Variants in ANTXRL observed in about 807,000 individuals in gnomAD.
ANTXRL encodes the protein ANTXR like.
In ANTXRL, 63 loss-of-function variants were observed where a neutral mutation model predicts 75.4. The observed-to-expected ratio is 0.84, with a 90% CI of 0.68 to 1.03. ANTXRL has a LOEUF of 1.03. Among genes scored for constraint, ANTXRL ranks in the 50% least tolerant of loss-of-function variants. ANTXRL has a pLI of 0.00. For missense variants in ANTXRL, 797 were observed against 789.4 expected, an observed-to-expected ratio of 1.01 and a Z score of -0.12; for synonymous variants, 335 against 291.3, an observed-to-expected ratio of 1.15 and a Z score of -1.53.
chr10:46,328,899 A>C (rs1425944129), intron 16 of ANTXRL, among the ~76,000 whole-genome samples: 1 of 152,062 alleles, frequency 6.6e-6, no homozygotes, highest in Non-Finnish European at 1.5e-5. Flanking sequence ...CTTTGACCTT[A>C]CTTATAGTGA....
chr10:46,303,442 T>C (rs1837879663), intron 10 of ANTXRL, among the ~76,000 whole-genome samples: 1 of 152,216 alleles, frequency 6.6e-6, no homozygotes, highest in Non-Finnish European at 1.5e-5. Context: ...ACAGATATTT[T>C]AGTTTTCAGA....
chr10:46,291,828 T>C (rs1554956551), intron 1 of ANTXRL, among the ~76,000 whole-genome samples: 1 of 152,066 alleles, frequency 6.6e-6, no homozygotes, highest in Non-Finnish European at 1.5e-5. Flanking sequence ...CCCAGGAAGC[T>C]CCTCAGTCCC....
intron 13 of ANTXRL, among the ~76,000 whole-genome samples, chr10:46,309,763 A>T (rs1331086029): frequency 6.6e-6 from 1 of 152,138 alleles, no homozygotes; most frequent in Non-Finnish European, 1.5e-5. Context: ...GCAGGGACAG[A>T]AATGGTGGCT....
Position 46,293,917 on chromosome 10 carries a change from G to T in ANTXRL, c.392+17G>T. ...CTCAGACAAGTGAGTGCTGCTTTGA[G>T]CCCCAAAGGGAGGCCTGATGAGCTT... On this transcript the variant is annotated intron_variant, in intron 3 of 16. Transcript: ENST00000620264. 1 of 1,535,050 alleles carries T rather than the reference G, an allele frequency of 6.5e-7. No individual in the cohort carries two copies. Among genetic ancestry groups the T allele is most frequent in the South Asian group, 1.2e-5 (1 of 84,020 alleles).
intron 16 of ANTXRL, among the ~76,000 whole-genome samples, chr10:46,321,691 C>T (rs1838983105): frequency 6.6e-6 from 1 of 152,162 alleles, no homozygotes; most frequent in Non-Finnish European, 1.5e-5. Context: ...TACACTTTGA[C>T]ATAATGCATT....
intron 10 of ANTXRL, among the ~76,000 whole-genome samples, chr10:46,303,114 C>T (rs1194888721): frequency 1.3e-5 from 2 of 152,200 alleles, no homozygotes; most frequent in African/African-American, 4.8e-5. Flanking sequence ...CATCTGCCCA[C>T]CTTAGCCTCA....
Position 46,297,318 on chromosome 10 carries a change from C to G in ANTXRL, c.575C>G (p.Thr192Ser). The G allele has an allele frequency of 6.5e-7, 1 of 1,536,476 alleles. No individual in the cohort carries two copies. Among genetic ancestry groups the G allele is most frequent in the Non-Finnish European group, 8.7e-7 (1 of 1,146,826 alleles). ...GELVAHAFQDTLREAQKARKL... is the reference protein window; with the variant it reads ...GELVAHAFQDSLREAQKARKL... ...CTGGTGGCACATGCATTTCAGGACA[C>G]TCTCAGAGAAGTGAGTCCAGTTCAT... Residue 192 changes from threonine to serine, a missense_variant, in exon 6 of 17, where the codon ACT (threonine) becomes AGT (serine). Thr to Ser is a moderately conservative substitution (Grantham distance 58, BLOSUM62 1). Transcript: ENST00000620264.
At chr10:46,328,825 G>T (rs1286951926) in intron 16 of ANTXRL, among the ~76,000 whole-genome samples, 2 of 152,062 alleles carry the variant, frequency 1.3e-5, no homozygotes, top group African/African-American at 4.8e-5. Flanking sequence ...TAAGAGATGG[G>T]AAAGCCATTC....
chr10:46,301,328 A>G (rs1161256264), intron 9 of ANTXRL, among the ~76,000 whole-genome samples: 1 of 152,234 alleles, frequency 6.6e-6, no homozygotes, highest in Non-Finnish European at 1.5e-5. Flanking sequence ...TGAGGGGCCC[A>G]TGTCTAGTTG....
intron 3 of ANTXRL, among the ~76,000 whole-genome samples, chr10:46,295,413 G>T: frequency 6.6e-6 from 1 of 151,734 alleles, no homozygotes; most frequent in Non-Finnish European, 1.5e-5. Flanking sequence ...CATTGACAGT[G>T]GCTGACTCTC....
At chr10:46,301,230 C>G (rs1472419752) in intron 9 of ANTXRL, among the ~76,000 whole-genome samples, 1 of 152,238 alleles carries the variant, frequency 6.6e-6, no homozygotes, top group African/African-American at 2.4e-5. Flanking sequence ...TTTTGGAAGC[C>G]TGAGTGGGGA....
At chr10:46,291,923 G>A (rs1554956579) in intron 1 of ANTXRL, 135 bp from the exon 2 acceptor site, 1 of 759,538 alleles carries the variant, frequency 1.3e-6, no homozygotes. Flanking sequence ...GGCCACTGGG[G>A]GTGTACCCCA....
At position 46,297,688 on chromosome 10, in the gene ANTXRL, G is replaced by C. The variant is rs1393735729; in HGVS notation, c.655-143G>C. On this transcript the variant is annotated intron_variant, in intron 7 of 16. Coordinates refer to ENST00000620264, the MANE Select transcript of ANTXRL (RefSeq NM_001278688.3). Reference sequence around the variant, plus strand: ...GCTCCCCGCTCCCTAAGAGTGGGCTGCTGGCTGGAGAAGTCTGTGACATTC... The same window carrying C: ...GCTCCCCGCTCCCTAAGAGTGGGCTCCTGGCTGGAGAAGTCTGTGACATTC... 3.4e-6 allele frequency: 3 copies of C among 878,274 alleles called. No individual in the cohort carries two copies. The Admixed American group carries it at 6.5e-5, about 19-fold the overall frequency. The allele number at this position is 878,274 out of a possible 1,614,324, so 54.4% of individuals were successfully genotyped here.
At chr10:46,309,968 A>G (rs1838325590) in intron 13 of ANTXRL, among the ~76,000 whole-genome samples, 1 of 152,066 alleles carries the variant, frequency 6.6e-6, no homozygotes, top group Non-Finnish European at 1.5e-5. Context: ...GCAGACAGAG[A>G]ACAGAGCAGA....
At chr10:46,314,880 C>T (rs1433122958) in intron 16 of ANTXRL, among the ~76,000 whole-genome samples, 2 of 152,144 alleles carry the variant, frequency 1.3e-5, no homozygotes, top group African/African-American at 4.8e-5. Flanking sequence ...AGATCTGTCC[C>T]TAACCCAGGG....
At chr10:46,294,783 A>G (rs1473143057) in intron 3 of ANTXRL, among the ~76,000 whole-genome samples, 6 of 152,074 alleles carry the variant, frequency 3.9e-5, no homozygotes, top group African/African-American at 4.8e-5. Flanking sequence ...AGGCCAGGGC[A>G]TGGCCTCTTC....
intron 16 of ANTXRL, among the ~76,000 whole-genome samples, chr10:46,317,864 G>A (rs1287325699): frequency 2.0e-5 from 3 of 152,154 alleles, no homozygotes; most frequent in Non-Finnish European, 4.4e-5. Flanking sequence ...GAGCTGATGT[G>A]AGAAGTAATT....
intron 12 of ANTXRL, among the ~76,000 whole-genome samples, chr10:46,308,107 G>A (rs1434046688): frequency 1.3e-5 from 2 of 152,168 alleles, no homozygotes; most frequent in East Asian, 1.9e-4. Context: ...CTGGAGGGAC[G>A]GGCGGGAGGC....
intron 15 of ANTXRL, among the ~76,000 whole-genome samples, chr10:46,313,002 C>T (rs1451511317): frequency 5.9e-5 from 9 of 152,204 alleles, no homozygotes; most frequent in African/African-American, 2.2e-4. Flanking sequence ...CTGCCCCTGG[C>T]GTTTTCTCTT....
Sources: allele counts gnomAD v4.1 joint callset (sites outside exome capture counted in the v4.1 genomes callset), GRCh38; gene constraint gnomAD v4.1.1; transcripts MANE v1.5; gene names NCBI Gene and HGNC (gene_info 2026-07-23, HGNC 2026-07-21).